The following RPS6KC1 variants were observed in gnomAD, a reference collection of about 807,000 sequenced individuals.
RPS6KC1 encodes the protein ribosomal protein S6 kinase C1, also known as inactive ribosomal protein S6 kinase delta-1.
Under a neutral mutation model 103.8 loss-of-function variants are expected in RPS6KC1, and 54 were observed. The ratio of observed to expected loss-of-function variants is 0.52; its 90% CI spans 0.42 to 0.65. RPS6KC1 has a LOEUF of 0.65. Among genes scored for constraint, RPS6KC1 ranks in the 30% least tolerant of loss-of-function variants. RPS6KC1 has a pLI of 0.00. For synonymous variants in RPS6KC1, 439 were observed against 438.7 expected (o/e 1.00, Z -0.01); for missense variants, 1,151 against 1,253.8 (o/e 0.92, Z 1.24).
chr1:213,464,374 C>G, the RPS6KC1 span, among the ~76,000 whole-genome samples: 248 of 152,162 alleles, frequency 1.6e-3, 1 homozygote, highest in African/African-American at 5.7e-3. Flanking sequence ...TCATTTAAAT[C>G]TAGTTCTCAA....
At chr1:213,493,322 A>G in the RPS6KC1 span, among the ~76,000 whole-genome samples, 1 of 152,212 alleles carries the variant, frequency 6.6e-6, no homozygotes, top group Non-Finnish European at 1.5e-5. Flanking sequence ...ATATTGGCCA[A>G]GTTGTGCAAA....
the RPS6KC1 span, among the ~76,000 whole-genome samples, chr1:213,495,727 C>A: frequency 2.0e-5 from 3 of 152,166 alleles, no homozygotes; most frequent in African/African-American, 7.2e-5. Context: ...GCATTAGAGT[C>A]ATTCTCCTAA....
intron 3 of RPS6KC1, among the ~76,000 whole-genome samples, chr1:213,082,960 G>A (rs74437736): frequency 0.019 from 2,898 of 152,272 alleles, 96 homozygotes; most frequent in African/African-American, 0.065. Flanking sequence ...GTAGGGCTTC[G>A]TGGAAGTGTA....
chr1:213,458,731 A>G, the RPS6KC1 span, among the ~76,000 whole-genome samples: 1 of 152,194 alleles, frequency 6.6e-6, no homozygotes, highest in African/African-American at 2.4e-5. Flanking sequence ...ATTCAGTATG[A>G]TATTGGCCGT....
chr1:213,206,541 G>T (rs1198080321), intron 8 of RPS6KC1, among the ~76,000 whole-genome samples: 1 of 152,124 alleles, frequency 6.6e-6, no homozygotes, highest in African/African-American at 2.4e-5. Context: ...CATGAAAAAA[G>T]ACAGAGCCAC....
At chr1:213,604,188 A>AT in the RPS6KC1 span, among the ~76,000 whole-genome samples, 2 of 152,172 alleles carry the variant, frequency 1.3e-5, no homozygotes, top group South Asian at 4.1e-4. Context: ...GCATTTATCA[A>AT]TTTTTTCTTC....
the RPS6KC1 span, among the ~76,000 whole-genome samples, chr1:213,851,199 C>T: frequency 6.6e-6 from 1 of 152,110 alleles, no homozygotes; most frequent in Non-Finnish European, 1.5e-5. Context: ...CCTCCACTTT[C>T]CCTAGTTGAC....
At chr1:213,174,391 C>T (rs996901379) in intron 7 of RPS6KC1, among the ~76,000 whole-genome samples, 3 of 152,096 alleles carry the variant, frequency 2.0e-5, no homozygotes, top group East Asian at 1.9e-4. Context: ...TTCTACTGGC[C>T]GGGTGTGCTG....
the RPS6KC1 span, among the ~76,000 whole-genome samples, chr1:213,304,185 G>A: frequency 8.2e-6 from 1 of 122,418 alleles, no homozygotes; most frequent in African/African-American, 3.1e-5. Flanking sequence ...CAGCCTGGGC[G>A]ACAGAGCGAG....
the RPS6KC1 span, among the ~76,000 whole-genome samples, chr1:213,698,107 T>C: frequency 6.6e-6 from 1 of 152,244 alleles, no homozygotes; most frequent in African/African-American, 2.4e-5. Flanking sequence ...AAATATTAAA[T>C]GCATTTTTGA....
Position 213,109,414 on chromosome 1 carries a change from GGCATGAGCAACC to G in RPS6KC1, c.378+4847_378+4858del, listed in dbSNP as rs1285598344. On this transcript the variant is annotated intron_variant, in intron 4 of 14. Coordinates refer to ENST00000366960, the MANE Select transcript of RPS6KC1 (RefSeq NM_012424.6). ...GGCCTCCCAAAGTGCTGGGATTACA[GGCATGAGCAACC>G]GTGCCCGGCCCGATATTCTGTAATT... 2.6e-5 allele frequency among the ~76,000 whole-genome samples: 4 copies of G among 152,310 alleles called. No individual in the cohort carries two copies. The East Asian group carries it at 7.7e-4, about 29-fold the overall frequency.
intron 1 of RPS6KC1, among the ~76,000 whole-genome samples, chr1:213,069,767 T>C (rs2148452037): frequency 6.6e-6 from 1 of 152,338 alleles, no homozygotes; most frequent in South Asian, 2.1e-4. Flanking sequence ...CAGCCTGATT[T>C]ATCTTTTTGT....
chr1:213,792,845 A>G, the RPS6KC1 span, among the ~76,000 whole-genome samples: 12 of 82,888 alleles, frequency 1.4e-4, no homozygotes, highest in Non-Finnish European at 2.6e-4. Flanking sequence ...AACCACCCCC[A>G]CCCTTCACAC....
At chr1:213,620,028 G>A in the RPS6KC1 span, among the ~76,000 whole-genome samples, 4 of 152,262 alleles carry the variant, frequency 2.6e-5, no homozygotes, top group African/African-American at 9.6e-5. Flanking sequence ...ACCAATGCAA[G>A]TATAGCCGTA....
chr1:213,855,360 T>C, the RPS6KC1 span, among the ~76,000 whole-genome samples: 1 of 152,204 alleles, frequency 6.6e-6, no homozygotes. Flanking sequence ...ACAACACTTC[T>C]CTTGTATTTC....
chr1:213,366,241 CT>C, the RPS6KC1 span, among the ~76,000 whole-genome samples: 1 of 151,916 alleles, frequency 6.6e-6, no homozygotes, highest in Admixed American at 6.6e-5. Flanking sequence ...ATTTTCTCAT[CT>C]GTAATGCCCT....
At chr1:213,301,692 C>CATTT in the RPS6KC1 span, among the ~76,000 whole-genome samples, 8 of 141,984 alleles carry the variant, frequency 5.6e-5, no homozygotes, top group Non-Finnish European at 7.7e-5. Context: ...GAGCAAGACC[C>CATTT]ATTTACTTAT....
At chr1:213,824,438 A>G in the RPS6KC1 span, among the ~76,000 whole-genome samples, 3 of 152,184 alleles carry the variant, frequency 2.0e-5, no homozygotes, top group African/African-American at 7.2e-5. Flanking sequence ...CCTGAGAGGT[A>G]GCACCTAAAG....
chr1:213,282,185 C>T, the RPS6KC1 span, among the ~76,000 whole-genome samples: 1 of 152,198 alleles, frequency 6.6e-6, no homozygotes. Flanking sequence ...AACGGAGTTT[C>T]TTTGAGAATA....
Sources: gnomAD v4.1 joint callset for allele counts (sites outside exome capture counted in the v4.1 genomes callset) on GRCh38, gnomAD v4.1.1 for gene constraint, MANE v1.5 for transcripts, NCBI Gene and HGNC (gene_info 2026-07-23, HGNC 2026-07-21) for gene names.